ARID1B: variants seen among roughly 807,000 people sequenced by gnomAD.
ARID1B encodes AT-rich interactive domain-containing protein 1B.
ARID1B carries 30 observed loss-of-function variants against 212.3 expected under a neutral mutation model. The ratio of observed to expected loss-of-function variants is 0.14; its 90% CI spans 0.11 to 0.19. ARID1B has a LOEUF of 0.19. ARID1B is among the 10% of genes least tolerant of loss of function. The pLI, the probability that ARID1B is intolerant of heterozygous loss-of-function variation, is 1.00. For missense variants in ARID1B, 2,891 were observed against 3,204.0 expected, an observed-to-expected ratio of 0.90 and a Z score of 2.36; for synonymous variants, 1,402 against 1,301.7, an observed-to-expected ratio of 1.08 and a Z score of -1.66.
chr6:156,857,296 G>A lies in ARID1B; in HGVS notation c.1986+27875G>A, dbSNP rs74995155. 2.1e-4 allele frequency among the ~76,000 whole-genome samples: 32 copies of A among 152,270 alleles called. No homozygotes were observed. The East Asian group carries it at 5.6e-3, about 27-fold the overall frequency. ...ACAATATTCTTTGATTCTGTCACCCGCAATTTCAAGAGAGTGTCAGTGCCC... is the reference window on the plus strand; with the variant it reads ...ACAATATTCTTTGATTCTGTCACCCACAATTTCAAGAGAGTGTCAGTGCCC... On this transcript the variant is annotated intron_variant, in intron 2 of 19. Transcript: ENST00000636930.
chr6:156,974,852 T>C (rs1316330784), intron 4 of ARID1B, among the ~76,000 whole-genome samples: 3 of 152,238 alleles, frequency 2.0e-5, no homozygotes, highest in East Asian at 3.8e-4. Context: ...TCTCTGCCTT[T>C]TTGCTGTTGT....
At chr6:157,034,278 C>T (rs6938379) in intron 4 of ARID1B, among the ~76,000 whole-genome samples, 2 of 152,128 alleles carry the variant, frequency 1.3e-5, no homozygotes, top group South Asian at 2.1e-4. Flanking sequence ...TAAATATCTG[C>T]ACAGTATTTA....
At chr6:157,022,797 ATTTTGGAATTCTGC>A (rs1780403023) in intron 4 of ARID1B, 1 of 152,210 alleles carries the variant, frequency 6.6e-6, no homozygotes. Context: ...AAGCAACTTA[ATTTTGGAATTCTGC>A]AAATTTAATT....
intron 4 of ARID1B, among the ~76,000 whole-genome samples, chr6:156,959,892 T>C (rs1196925054): frequency 1.3e-5 from 2 of 151,802 alleles, no homozygotes; most frequent in East Asian, 3.9e-4. Context: ...CTGGTGAAAT[T>C]TTAATTCAGT....
chr6:157,090,714 G>C (rs112654316), intron 5 of ARID1B, among the ~76,000 whole-genome samples: 2,070 of 152,306 alleles, frequency 0.014, 28 homozygotes, highest in Admixed American at 0.037. Context: ...CTGCCACCTG[G>C]CCTCTCGGCA....
intron 2 of ARID1B, among the ~76,000 whole-genome samples, chr6:156,846,254 A>G (rs2128098232): frequency 6.6e-6 from 1 of 152,140 alleles, no homozygotes; most frequent in East Asian, 1.9e-4. Flanking sequence ...TCCTGGGTTC[A>G]AGTGATTCTT....
rs1794255072 is a variant in ARID1B, at chr6:157,203,613, C to T, written c.5264-253C>T. ...AGAAAGGACCATCTGTGCTCAACCA[C>T]TCCACCTCCAGAAGCACTTTCGGCC... On this transcript the variant is annotated intron_variant, in intron 18 of 19. Transcript: ENST00000636930. This position sits in a 1 kb window ranked among gnomAD's most constrained non-coding sequence, Gnocchi z 4.4. 4.3e-6 allele frequency: 2 copies of T among 468,600 alleles called. No individual in the cohort carries two copies. The highest frequency in any genetic ancestry group is 4.6e-5 in the South Asian group (2 of 43,786). 29.0% of individuals were successfully genotyped at this position (468,600 alleles called of 1,614,324 possible).
chr6:156,941,487 G>A (rs1224665043), intron 4 of ARID1B: 1 of 152,130 alleles, frequency 6.6e-6, no homozygotes, highest in African/African-American at 2.4e-5. Context: ...GTTATTTTTG[G>A]ATTAAGATTA....
chr6:157,182,386 A>G (rs1411140538), intron 12 of ARID1B, among the ~76,000 whole-genome samples: 1 of 152,216 alleles, frequency 6.6e-6, no homozygotes, highest in East Asian at 1.9e-4. Context: ...GAGTCCAGCT[A>G]TGCATTAGAA....
At chr6:156,943,942 T>C (rs1281876102) in intron 4 of ARID1B, 1 of 152,186 alleles carries the variant, frequency 6.6e-6, no homozygotes, top group East Asian at 1.9e-4. Flanking sequence ...TTTTATAAAA[T>C]AATATGTTTT....
At chr6:156,809,194 T>G (rs1398242112) in intron 1 of ARID1B, among the ~76,000 whole-genome samples, 8 of 152,192 alleles carry the variant, frequency 5.3e-5, no homozygotes, top group Admixed American at 5.2e-4. Flanking sequence ...TGCTGAGCAG[T>G]GTCTTACCAT....
intron 2 of ARID1B, among the ~76,000 whole-genome samples, chr6:156,885,613 A>G (rs551619079): frequency 6.6e-6 from 1 of 152,352 alleles, no homozygotes; most frequent in East Asian, 1.9e-4. Flanking sequence ...ATGAAATTTT[A>G]AAAGTTGCAG....
intron 17 of ARID1B, 132 bp downstream of exon 17, chr6:157,199,039 A>T: frequency 1.4e-6 from 1 of 724,558 alleles, no homozygotes; most frequent in South Asian, 2.5e-5. Flanking sequence ...AGCATTCAGG[A>T]TATAGTTAAT....
chr6:156,908,247 A>C (rs1472208976), intron 3 of ARID1B, among the ~76,000 whole-genome samples: 2 of 152,148 alleles, frequency 1.3e-5, no homozygotes, highest in Non-Finnish European at 2.9e-5. Flanking sequence ...AGGCATATTC[A>C]AGTTAAAAAT....
At chr6:156,908,705 GT>G in intron 3 of ARID1B, among the ~76,000 whole-genome samples, 1 of 151,652 alleles carries the variant, frequency 6.6e-6, no homozygotes, top group Middle Eastern at 3.2e-3. Flanking sequence ...TATCATTTTT[GT>G]TCTCTTTTAG....
chr6:157,194,699 G>A (rs1467838716), intron 15 of ARID1B: 4 of 152,174 alleles, frequency 2.6e-5, no homozygotes, highest in African/African-American at 4.8e-5. Flanking sequence ...ATTTTGGAGT[G>A]AATCAGTGGC....
At chr6:157,095,089 G>C (rs1274595985) in intron 5 of ARID1B, among the ~76,000 whole-genome samples, 1 of 152,148 alleles carries the variant, frequency 6.6e-6, no homozygotes, top group African/African-American at 2.4e-5. Context: ...TTCAGGATGA[G>C]GTCCCCTGGG....
chr6:157,011,146 T>C (rs952212127), intron 4 of ARID1B, among the ~76,000 whole-genome samples: 27 of 152,230 alleles, frequency 1.8e-4, no homozygotes, highest in Non-Finnish European at 4.4e-5. Context: ...CCTTTTGTTT[T>C]TAGTGCAGGT....
chr6:156,913,644 C>T (rs915000189), intron 3 of ARID1B, among the ~76,000 whole-genome samples: 1 of 152,080 alleles, frequency 6.6e-6, no homozygotes, highest in South Asian at 2.1e-4. Context: ...ACTTCCAGCC[C>T]ACCCCAGCCC....
Sources: allele counts gnomAD v4.1 joint callset (sites outside exome capture counted in the v4.1 genomes callset), GRCh38; gene constraint gnomAD v4.1.1; non-coding constraint Gnocchi (gnomAD v3.1); transcripts MANE v1.5; gene names NCBI Gene and HGNC (gene_info 2026-07-23, HGNC 2026-07-21).